The following ST18 variants were observed in gnomAD, a reference collection of about 807,000 sequenced individuals.
ST18 encodes the protein suppression of tumorigenicity 18 protein.
ST18 carries 50 observed loss-of-function variants against 110.0 expected under a neutral mutation model. The ratio of observed to expected loss-of-function variants is 0.45; its 90% CI spans 0.36 to 0.58. ST18 has a LOEUF of 0.58. Ranked by LOEUF, ST18 falls within the 20% of genes least tolerant of loss-of-function variation. The pLI is 0.00. For missense variants in ST18, 1,306 were observed against 1,280.1 expected, an observed-to-expected ratio of 1.02 and a Z score of -0.31; for synonymous variants, 461 against 452.4, an observed-to-expected ratio of 1.02 and a Z score of -0.24.
intron 11 of ST18, among the ~76,000 whole-genome samples, chr8:52,165,514 T>C (rs2062688583): frequency 6.6e-6 from 1 of 152,248 alleles, no homozygotes; most frequent in Non-Finnish European, 1.5e-5. Flanking sequence ...AACCTTCCCA[T>C]CACCTGAATG....
intron 2 of ST18, among the ~76,000 whole-genome samples, chr8:52,386,065 G>T (rs1478581785): frequency 6.6e-6 from 1 of 152,100 alleles, no homozygotes; most frequent in Non-Finnish European, 1.5e-5. Context: ...CAACAAAGAT[G>T]CACATATACG....
chr8:52,270,193 T>C (rs2095027819), intron 2 of ST18, among the ~76,000 whole-genome samples: 1 of 152,234 alleles, frequency 6.6e-6, no homozygotes, highest in Non-Finnish European at 1.5e-5. Context: ...ATATTACATA[T>C]AAAATTTTAC....
chr8:52,279,649 T>C (rs1024790737), intron 2 of ST18, among the ~76,000 whole-genome samples: 1 of 152,130 alleles, frequency 6.6e-6, no homozygotes, highest in Non-Finnish European at 1.5e-5. Context: ...CAGAGATTAT[T>C]TGAAGGGAAA....
At chr8:52,244,740 GAGTT>G (rs1366652789) in intron 2 of ST18, among the ~76,000 whole-genome samples, 3 of 152,122 alleles carry the variant, frequency 2.0e-5, no homozygotes, top group Non-Finnish European at 4.4e-5. Flanking sequence ...AAGGTTATGA[GAGTT>G]AGAGAATTTT....
intron 2 of ST18, among the ~76,000 whole-genome samples, chr8:52,335,754 C>A (rs559566984): frequency 6.6e-6 from 1 of 152,104 alleles, no homozygotes; most frequent in Non-Finnish European, 1.5e-5. Flanking sequence ...TGCTTTGGAA[C>A]CTTGGAACCT....
chr8:52,329,547 G>A (rs1589960599), intron 2 of ST18, among the ~76,000 whole-genome samples: 1 of 152,164 alleles, frequency 6.6e-6, no homozygotes, highest in East Asian at 1.9e-4. Flanking sequence ...CTGAAGTCAG[G>A]AGTTCAAGAC....
chr8:52,202,081 T>C (rs1482758598), intron 8 of ST18, among the ~76,000 whole-genome samples: 1 of 152,202 alleles, frequency 6.6e-6, no homozygotes, highest in Non-Finnish European at 1.5e-5. Flanking sequence ...TAGATTGTTA[T>C]GCGGGTAGGG....
chr8:52,228,830 C>T (rs1160801726), intron 3 of ST18, among the ~76,000 whole-genome samples: 1 of 152,074 alleles, frequency 6.6e-6, no homozygotes, highest in Non-Finnish European at 1.5e-5. Context: ...ACTGTCAGGT[C>T]TCTGCAGCAG....
chr8:52,382,502 T>C (rs1834938674), intron 2 of ST18, among the ~76,000 whole-genome samples: 1 of 152,202 alleles, frequency 6.6e-6, no homozygotes, highest in African/African-American at 2.4e-5. Context: ...GTGATTGACT[T>C]TGTAGTGTTT....
At chr8:52,385,429 A>G (rs752164824) in intron 2 of ST18, among the ~76,000 whole-genome samples, 1 of 152,072 alleles carries the variant, frequency 6.6e-6, no homozygotes. Flanking sequence ...GTGAAACCCC[A>G]TCTCTACTAA....
At chr8:52,387,484 G>A (rs893455693) in intron 2 of ST18, among the ~76,000 whole-genome samples, 3 of 152,130 alleles carry the variant, frequency 2.0e-5, no homozygotes, top group Non-Finnish European at 4.4e-5. Flanking sequence ...TACTTCTCTT[G>A]AACTGTTTGT....
At chr8:52,283,606 C>T (rs1243242087) in intron 2 of ST18, among the ~76,000 whole-genome samples, 1 of 152,120 alleles carries the variant, frequency 6.6e-6, no homozygotes, top group Non-Finnish European at 1.5e-5. Context: ...TCAAATCTTG[C>T]TGAGAGGCCA....
intron 15 of ST18, among the ~76,000 whole-genome samples, chr8:52,151,972 A>G (rs1563716470): frequency 1.3e-5 from 2 of 152,222 alleles, no homozygotes; most frequent in African/African-American, 4.8e-5. Context: ...ACTAATATAT[A>G]TTTTAGTTTT....
chr8:52,134,851 T>A (rs2051334897), intron 19 of ST18, among the ~76,000 whole-genome samples: 1 of 152,202 alleles, frequency 6.6e-6, no homozygotes, highest in Non-Finnish European at 1.5e-5. Context: ...TCCATGAATA[T>A]CTAAACAAGA....
chr8:52,288,171 C>A (rs2095498842), intron 2 of ST18, among the ~76,000 whole-genome samples: 1 of 152,178 alleles, frequency 6.6e-6, no homozygotes, highest in Non-Finnish European at 1.5e-5. Context: ...TTCCATGGGA[C>A]AACCAGTTCA....
At chr8:52,390,771 C>T (rs1839051454) in intron 2 of ST18, among the ~76,000 whole-genome samples, 1 of 152,178 alleles carries the variant, frequency 6.6e-6, no homozygotes, top group Non-Finnish European at 1.5e-5. Context: ...TGGCATGGAG[C>T]ACTACAGAAG....
intron 16 of ST18, among the ~76,000 whole-genome samples, chr8:52,149,235 T>C (rs2132436618): frequency 6.6e-6 from 1 of 152,358 alleles, no homozygotes. Flanking sequence ...AATTTAGACA[T>C]CCAACATTTC....
rs748933981 is a variant in ST18 at position 52,367,236 on chromosome 8, TCACA to T, written c.-465+42088_-465+42091del. Among the ~76,000 whole-genome samples, 161 of 120,268 alleles carry T rather than the reference TCACA, an allele frequency of 1.3e-3. 2 individuals are homozygous for T. The highest frequency in any genetic ancestry group is 4.7e-3 in the African/African-American group (154 of 32,646). The allele number at this position is 120,268 out of a possible 152,430, so 78.9% of individuals were successfully genotyped here. A position where few individuals can be genotyped will look rare whatever the true frequency, so the allele number is the denominator to read the frequency against. On this transcript the variant is annotated intron_variant, in intron 2 of 25. Transcript: ENST00000689386. ...CTGGGTGACAGAGCGGGACCCTGTC[TCACA>T]CACACACACACACACACACACACAC... is the stretch of plus-strand genomic sequence containing the variant.
intron 2 of ST18, among the ~76,000 whole-genome samples, chr8:52,283,499 G>A (rs2095420079): frequency 6.6e-6 from 1 of 152,136 alleles, no homozygotes; most frequent in South Asian, 2.1e-4. Context: ...AGAAAATGAG[G>A]AGATGGCAGT....
Sources: allele counts gnomAD v4.1 joint callset (sites outside exome capture counted in the v4.1 genomes callset), GRCh38; gene constraint gnomAD v4.1.1; transcripts MANE v1.5; gene names NCBI Gene and HGNC (gene_info 2026-07-23, HGNC 2026-07-21).